The following ERBIN variants were observed in gnomAD, a reference collection of about 807,000 sequenced individuals.
ERBIN encodes erbb2 interacting protein, also known as densin-180-like protein.
In ERBIN, 60 loss-of-function variants were observed where a neutral mutation model predicts 158.4. The ratio of observed to expected loss-of-function variants is 0.38; its 90% confidence interval spans 0.31 to 0.47. The LOEUF (loss-of-function observed/expected upper bound fraction) is 0.47. Among genes scored for constraint, ERBIN ranks in the 20% least tolerant of loss-of-function variants. The pLI is 0.99. For synonymous variants in ERBIN, 594 were observed against 557.2 expected (o/e 1.07, Z -0.93); for missense variants, 1,610 against 1,648.0 (o/e 0.98, Z 0.40).
At chr5:65,976,826 G>A (rs1749937990) in intron 1 of ERBIN, among the ~76,000 whole-genome samples, 1 of 150,866 alleles carries the variant, frequency 6.6e-6, no homozygotes, top group Non-Finnish European at 1.5e-5. Flanking sequence ...AGAGCACAGG[G>A]TTGGGGGTAA....
At chr5:66,036,895 T>C (rs533477240) in intron 14 of ERBIN, among the ~76,000 whole-genome samples, 3 of 152,316 alleles carry the variant, frequency 2.0e-5, no homozygotes, top group African/African-American at 7.2e-5. Flanking sequence ...TCTCATTCCT[T>C]TTTCTGTCTG....
chr5:66,023,313 T>C lies in ERBIN; in HGVS notation c.621T>C (p.Ser207=), dbSNP rs1195220028. ...TEVPEVLEQL[S]GLKEFWMDAN... ...AGCCTGAAGTACTTGAGCAACTAAG[T>C]GGATTGAAAGAGTTTTGGATGGATG... Residue 207 remains serine, a synonymous_variant, in exon 9 of 26, where the codon AGT becomes AGC. Transcript: ENST00000284037. 6.8e-6 allele frequency: 11 copies of C among 1,613,122 alleles called. No individual in the cohort carries two copies. Among genetic ancestry groups the C allele is most frequent in the African/African-American group, 2.7e-5 (2 of 74,910 alleles).
intron 1 of ERBIN, among the ~76,000 whole-genome samples, chr5:65,941,857 C>T (rs1052595332): frequency 2.0e-5 from 3 of 152,040 alleles, no homozygotes; most frequent in Non-Finnish European, 4.4e-5. Context: ...TCTCCTGCCC[C>T]AGCCTCCTGA....
chr5:65,993,680 G>T (rs777158287), intron 3 of ERBIN, among the ~76,000 whole-genome samples: 10 of 152,106 alleles, frequency 6.6e-5, no homozygotes, highest in Non-Finnish European at 1.5e-4. Flanking sequence ...GAGACCCATT[G>T]GTAGCTCATA....
At chr5:66,030,865 C>T (rs1756796408) in intron 14 of ERBIN, among the ~76,000 whole-genome samples, 1 of 152,150 alleles carries the variant, frequency 6.6e-6, no homozygotes, top group Non-Finnish European at 1.5e-5. Flanking sequence ...ACCACCATGC[C>T]TGGCCTGCAG....
intron 1 of ERBIN, chr5:65,984,718 G>A (rs1280462732): frequency 1.3e-5 from 2 of 152,252 alleles, no homozygotes; most frequent in African/African-American, 4.8e-5. Context: ...TGGGGAGCGT[G>A]GAGGGATGGG....
intron 1 of ERBIN, among the ~76,000 whole-genome samples, chr5:65,930,986 A>C (rs1743302563): frequency 6.6e-6 from 1 of 152,070 alleles, no homozygotes; most frequent in East Asian, 1.9e-4. Context: ...GCTTTAAGTG[A>C]TAGTGTGGAA....
chr5:66,070,790 T>TG (rs1761457323), intron 21 of ERBIN, among the ~76,000 whole-genome samples: 1 of 152,220 alleles, frequency 6.6e-6, no homozygotes, highest in Admixed American at 6.5e-5. Context: ...ATAGATGTGT[T>TG]GCGGATATAA....
intron 4 of ERBIN, among the ~76,000 whole-genome samples, chr5:65,996,480 A>G (rs1011755774): frequency 5.3e-5 from 8 of 151,966 alleles, no homozygotes; most frequent in East Asian, 1.9e-4. Context: ...TGGGCTGTCT[A>G]TTCTGTTCCA....
chr5:66,014,649 A>AT lies in ERBIN; in HGVS notation c.477-10dup, dbSNP rs35156987. On this transcript the variant is annotated intron_variant, in intron 6 of 25. Transcript: ENST00000284037. ...TCATTGTCTTTGTCCTAAATACATGATTTTTTTTTTGTATTGCAGATTAAC... is the reference window on the plus strand; with the variant it reads ...TCATTGTCTTTGTCCTAAATACATGATTTTTTTTTTTGTATTGCAGATTAAC... 3,096 of 1,065,968 alleles carry AT rather than the reference A, an allele frequency of 2.9e-3. No homozygotes were observed. The highest frequency in any genetic ancestry group is 4.4e-3 in the South Asian group (266 of 60,870). 66.0% of individuals were successfully genotyped at this position (1,065,968 alleles called of 1,614,324 possible). A position where few individuals can be genotyped will look rare whatever the true frequency, so the allele number is the denominator to read the frequency against.
chr5:66,016,759 A>G (rs988972794), intron 7 of ERBIN, among the ~76,000 whole-genome samples: 2 of 151,944 alleles, frequency 1.3e-5, no homozygotes, highest in African/African-American at 4.8e-5. Flanking sequence ...GACTATAAGC[A>G]TGTACCACCA....
intron 1 of ERBIN, among the ~76,000 whole-genome samples, chr5:65,969,127 A>C (rs1182999170): frequency 6.6e-6 from 1 of 152,200 alleles, no homozygotes; most frequent in African/African-American, 2.4e-5. Flanking sequence ...CGGGAGGATA[A>C]AGCAAAAAGA....
chr5:66,027,500 C>T (rs1489868040), intron 13 of ERBIN, among the ~76,000 whole-genome samples: 8 of 151,978 alleles, frequency 5.3e-5, no homozygotes, highest in Non-Finnish European at 1.2e-4. Context: ...TGGATTCAAA[C>T]AACTTCAGAT....
In ERBIN at chr5:66,054,110, C is replaced by T. The variant is rs1413427461; in HGVS notation, c.2792C>T (p.Ser931Phe). Residue 931 changes from serine to phenylalanine, a missense_variant, in exon 21 of 26, where the codon TCC (serine) becomes TTC (phenylalanine). Around this residue, in one of 2 missense-constraint regions of ERBIN, gnomAD observed 1,014 missense variants for 936.1 expected, o/e 1.08. Coordinates refer to ENST00000284037, the MANE Select transcript of ERBIN (RefSeq NM_001253697.2). ...CCATTGCAGGTATTTACTGGTTCTT[C>T]CTCATCTTCTGATTTAATATCAGGA... ...DQPLQVFTGS[S>F]SSSDLISGTK... The T allele has an allele frequency of 6.2e-7, 1 of 1,614,136 alleles. No homozygotes were observed. The highest frequency in any genetic ancestry group is 8.5e-7 in the Non-Finnish European group (1 of 1,180,026).
intron 8 of ERBIN, among the ~76,000 whole-genome samples, chr5:66,022,596 A>G (rs1199284709): frequency 1.3e-5 from 2 of 152,188 alleles, no homozygotes; most frequent in Non-Finnish European, 2.9e-5. Flanking sequence ...TGATAGAAAT[A>G]ACTTTGAAGA....
chr5:66,056,267 C>T (rs1294400922), intron 21 of ERBIN, among the ~76,000 whole-genome samples: 1 of 152,158 alleles, frequency 6.6e-6, no homozygotes, highest in Non-Finnish European at 1.5e-5. Context: ...CAAGAGTTTA[C>T]TTCTGATTGA....
intron 20 of ERBIN, among the ~76,000 whole-genome samples, chr5:66,052,437 C>A (rs1759137898): frequency 6.6e-6 from 1 of 152,064 alleles, no homozygotes; most frequent in South Asian, 2.1e-4. Context: ...AAGCTATGAG[C>A]TGCTGTTTAA....
intron 1 of ERBIN, among the ~76,000 whole-genome samples, chr5:65,941,283 C>T (rs948687231): frequency 6.7e-6 from 1 of 148,572 alleles, no homozygotes; most frequent in Non-Finnish European, 1.5e-5. Flanking sequence ...GCCAAATCCT[C>T]CTCTGTGAGA....
rs773342288 is a variant in ERBIN at position 66,053,744 on chromosome 5, A to G, written c.2426A>G (p.Asn809Ser). The G allele has an allele frequency of 2.5e-6, 4 of 1,613,810 alleles. No homozygotes were observed. In the East Asian group the frequency reaches 8.9e-5, roughly 36 times the overall value. The change falls in exon 21 of 26, where the codon AAT (asparagine) becomes AGT (serine). Residue 809 changes from asparagine to serine, a missense_variant. By Grantham distance (46) the Asn-to-Ser change is conservative (BLOSUM62 1). Around this residue, in one of 2 missense-constraint regions of ERBIN, gnomAD observed 1,014 missense variants for 936.1 expected, o/e 1.08. Coordinates refer to ENST00000284037, the MANE Select transcript of ERBIN (RefSeq NM_001253697.2). ...AAAGAGGAAACTGAGCACTTGGAAA[A>G]TGGAAACAAGTATCCTAATTTGGAA... The part of the protein sequence containing the change: ...NSKEETEHLE[N>S]GNKYPNLESV...
Sources: gnomAD v4.1 joint callset for allele counts (sites outside exome capture counted in the v4.1 genomes callset) on GRCh38, gnomAD v4.1.1 for gene constraint, gnomAD v4.1.1 regional missense constraint, MANE v1.5 for transcripts, NCBI Gene and HGNC (gene_info 2026-07-23, HGNC 2026-07-21) for gene names.